The following GALNT17 variants were observed in gnomAD, a reference collection of about 807,000 sequenced individuals.
GALNT17 encodes polypeptide N-acetylgalactosaminyltransferase 17, also known as UDP-GalNAc:polypeptide N-acetylgalactosaminyltransferase-like 3.
GALNT17 carries 29 observed loss-of-function variants against 63.7 expected under a neutral mutation model. The ratio of observed to expected loss-of-function variants is 0.46; its 90% CI spans 0.34 to 0.62. The LOEUF (loss-of-function observed/expected upper bound fraction) is 0.62. Ranked by LOEUF, GALNT17 falls within the 20% of genes least tolerant of loss-of-function variation. The probability of loss-of-function intolerance (pLI) is 0.01; values close to 1 mark genes in which losing one functional copy is unlikely to be tolerated. For synonymous variants in GALNT17, 305 were observed against 318.3 expected (o/e 0.96, Z 0.45); for missense variants, 603 against 799.6 (o/e 0.75, Z 2.97).
Position 71,525,743 on chromosome 7 carries a change from T to C in GALNT17, c.963-45542T>C, listed in dbSNP as rs528776542. ...GTCTTGGGTATGTCTTTTCTTTTTT[T>C]TTTTTTTTTTTTTTGAGATGGTGTC... On this transcript the variant is annotated intron_variant, in intron 5 of 10. Transcript: ENST00000333538. Among the ~76,000 whole-genome samples, 42 of 143,106 alleles carry C rather than the reference T, an allele frequency of 2.9e-4. 1 individual carries two copies. In the South Asian group the frequency reaches 4.5e-3, roughly 15 times the overall value. 93.9% of individuals were successfully genotyped at this position (143,106 alleles called of 152,430 possible). A position where few individuals can be genotyped will look rare whatever the true frequency, so the allele number is the denominator to read the frequency against.
At position 71,225,810 on chromosome 7, in the gene GALNT17, A is replaced by G. The variant is rs149561728; in HGVS notation, c.238+92770A>G. On this transcript the variant is annotated intron_variant, in intron 1 of 10. Transcript: ENST00000333538. The stretch of plus-strand genomic sequence containing the variant: ...TGGGCAATTGATTAAGTAAATGATG[A>G]TACATTCATGGCCTGCCATGCTATG... Among the ~76,000 whole-genome samples the G allele has an allele frequency of 4.5e-4, 69 of 152,322 alleles. 2 individuals are homozygous for G. The East Asian group carries it at 0.013, about 29-fold the overall frequency.
chr7:71,196,511 A>G lies in GALNT17; in HGVS notation c.238+63471A>G, dbSNP rs551732427. On this transcript the variant is annotated intron_variant, in intron 1 of 10. Transcript: ENST00000333538. ...CCACGAGTACAATGTGCTGAGTCCTATGTCTCCTCCTACTGAATTATTGAC... is the reference window on the plus strand; with the variant it reads ...CCACGAGTACAATGTGCTGAGTCCTGTGTCTCCTCCTACTGAATTATTGAC... Among the ~76,000 whole-genome samples the G allele has an allele frequency of 2.2e-4, 33 of 152,158 alleles. No homozygotes were observed. In the South Asian group the frequency reaches 2.7e-3, roughly 12 times the overall value.
chr7:71,603,326 A>G (rs1266418737), intron 6 of GALNT17, among the ~76,000 whole-genome samples: 2 of 151,668 alleles, frequency 1.3e-5, no homozygotes, highest in Admixed American at 1.3e-4. Flanking sequence ...ATGCTAGTGC[A>G]TATACCAGGT....
intron 5 of GALNT17, among the ~76,000 whole-genome samples, chr7:71,454,498 C>T (rs894456494): frequency 6.6e-6 from 1 of 152,096 alleles, no homozygotes; most frequent in Non-Finnish European, 1.5e-5. Context: ...GAAAGAAGAA[C>T]TTTATTTCTC....
chr7:71,182,495 G>T (rs1470906649), intron 1 of GALNT17, among the ~76,000 whole-genome samples: 2 of 152,094 alleles, frequency 1.3e-5, no homozygotes, highest in Admixed American at 1.3e-4. Context: ...TTTTCTCCTA[G>T]TCTTGTCTAC....
At chr7:71,322,948 C>T (rs1189648778) in intron 1 of GALNT17, among the ~76,000 whole-genome samples, 1 of 152,060 alleles carries the variant, frequency 6.6e-6, no homozygotes, top group African/African-American at 2.4e-5. Context: ...TTTGATATAG[C>T]ACCCCTAGCT....
At chr7:71,377,114 A>AAAAAAAAAAAATAT in intron 2 of GALNT17, among the ~76,000 whole-genome samples, 3 of 57,466 alleles carry the variant, frequency 5.2e-5, no homozygotes, top group African/African-American at 9.4e-5. Flanking sequence ...AAATAAAAAA[A>AAAAAAAAAAAATAT]ATATATATAT....
chr7:71,382,550 A>G (rs1281219661), intron 2 of GALNT17, among the ~76,000 whole-genome samples: 3 of 152,164 alleles, frequency 2.0e-5, no homozygotes, highest in African/African-American at 7.2e-5. Flanking sequence ...AGTGAGGTCC[A>G]GGAAAAGCCA....
At chr7:71,655,341 A>T (rs1790814390) in intron 6 of GALNT17, among the ~76,000 whole-genome samples, 1 of 152,178 alleles carries the variant, frequency 6.6e-6, no homozygotes, top group Admixed American at 6.5e-5. Context: ...GTATTGATAT[A>T]CCCAGCAGTA....
intron 2 of GALNT17, among the ~76,000 whole-genome samples, chr7:71,347,576 C>T (rs944548405): frequency 2.0e-5 from 3 of 152,034 alleles, no homozygotes; most frequent in Non-Finnish European, 4.4e-5. Flanking sequence ...TATCCTTAGC[C>T]TTGCACTTAC....
At chr7:71,147,210 T>C (rs1788040114) in intron 1 of GALNT17, among the ~76,000 whole-genome samples, 1 of 152,246 alleles carries the variant, frequency 6.6e-6, no homozygotes, top group African/African-American at 2.4e-5. Context: ...CAGATATATA[T>C]GAGTTTGTTA....
rs867090201 is a variant in GALNT17 at position 71,133,123 on chromosome 7, C to T, written c.238+83C>T. On this transcript the variant is annotated intron_variant, in intron 1 of 10. Coordinates refer to ENST00000333538, the MANE Select transcript of GALNT17 (RefSeq NM_022479.3). ...AGCCCCAGGGTCCTTGCGCGCTGCGCCCTGTGCCTGGGAGCCGGCACACCC... is the reference window on the plus strand; with the variant it reads ...AGCCCCAGGGTCCTTGCGCGCTGCGTCCTGTGCCTGGGAGCCGGCACACCC... The T allele has an allele frequency of 8.2e-5, 102 of 1,244,732 alleles. No individual in the cohort carries two copies. The Middle Eastern group carries it at 8.5e-4, about 10-fold the overall frequency. 77.1% of individuals were successfully genotyped at this position (1,244,732 alleles called of 1,614,324 possible).
chr7:71,595,831 C>T (rs1228417928), intron 6 of GALNT17, among the ~76,000 whole-genome samples: 2 of 152,108 alleles, frequency 1.3e-5, no homozygotes, highest in Non-Finnish European at 2.9e-5. Context: ...GGATGGTCAA[C>T]ATGACACGCA....
intron 1 of GALNT17, among the ~76,000 whole-genome samples, chr7:71,315,404 G>A (rs1048080346): frequency 6.6e-6 from 1 of 152,014 alleles, no homozygotes; most frequent in Non-Finnish European, 1.5e-5. Flanking sequence ...CGGAATTGTT[G>A]GATCATATGG....
intron 4 of GALNT17, among the ~76,000 whole-genome samples, chr7:71,417,434 A>C (rs536736229): frequency 9.9e-5 from 15 of 152,182 alleles, no homozygotes; most frequent in African/African-American, 3.4e-4. Context: ...ACCCAGCTGC[A>C]TGTCTTCAGC....
intron 5 of GALNT17, among the ~76,000 whole-genome samples, chr7:71,464,696 G>A (rs1292068616): frequency 6.6e-6 from 1 of 152,082 alleles, no homozygotes; most frequent in African/African-American, 2.4e-5. Flanking sequence ...CTAGTCTCAG[G>A]CTCCCCACTT....
chr7:71,142,633 G>A (rs1181213472), intron 1 of GALNT17, among the ~76,000 whole-genome samples: 1 of 152,232 alleles, frequency 6.6e-6, no homozygotes, highest in Non-Finnish European at 1.5e-5. Flanking sequence ...CCAGGGATGT[G>A]CCAGGTCCCT....
chr7:71,226,855 G>C (rs2116433961), intron 1 of GALNT17, among the ~76,000 whole-genome samples: 1 of 152,162 alleles, frequency 6.6e-6, no homozygotes, highest in African/African-American at 2.4e-5. Context: ...AGGCTCCGTG[G>C]TCCTTTTGGG....
intron 6 of GALNT17, among the ~76,000 whole-genome samples, chr7:71,640,068 A>T (rs1790582705): frequency 6.6e-6 from 1 of 152,222 alleles, no homozygotes; most frequent in Non-Finnish European, 1.5e-5. Flanking sequence ...AAAATGATAA[A>T]TCATGCACCA....
Sources: gnomAD v4.1 joint callset for allele counts (sites outside exome capture counted in the v4.1 genomes callset) on GRCh38, gnomAD v4.1.1 for gene constraint, MANE v1.5 for transcripts, NCBI Gene and HGNC (gene_info 2026-07-23, HGNC 2026-07-21) for gene names.